AQR: variants seen among roughly 807,000 people sequenced by gnomAD.
AQR encodes RNA helicase aquarius.
AQR carries 61 observed loss-of-function variants against 180.5 expected under a neutral mutation model. That is an observed-to-expected ratio of 0.34 (90% CI 0.28 to 0.42). The LOEUF is 0.42. Ranked by LOEUF, AQR falls within the 10% of genes least tolerant of loss-of-function variation. The probability of loss-of-function intolerance (pLI) is 1.00; values close to 1 mark genes in which losing one functional copy is unlikely to be tolerated. For missense variants in AQR, 1,281 were observed against 1,798.3 expected (o/e 0.71, Z 5.20); for synonymous variants, 551 against 588.8 (o/e 0.94, Z 0.93).
intron 31 of AQR, 118 bp from the exon 32 acceptor site, chr15:34,867,727 A>T (rs1172490616): frequency 1.4e-6 from 1 of 714,472 alleles, no homozygotes; most frequent in East Asian, 2.8e-5. Context: ...AAAGAAACAT[A>T]ATCATAGGCT....
intron 15 of AQR, among the ~76,000 whole-genome samples, chr15:34,916,632 C>T (rs1893593391): frequency 1.3e-5 from 2 of 151,786 alleles, no homozygotes; most frequent in South Asian, 4.2e-4. Flanking sequence ...TGTTAAATAT[C>T]TATAGCTACT....
chr15:34,957,396 C>T (rs1446370889), intron 3 of AQR, among the ~76,000 whole-genome samples: 1 of 151,912 alleles, frequency 6.6e-6, no homozygotes, highest in Non-Finnish European at 1.5e-5. Flanking sequence ...TTATGTGTTA[C>T]AGAAGTGTAC....
At chr15:34,921,556 T>G (rs1009274258) in intron 13 of AQR, among the ~76,000 whole-genome samples, 1 of 152,200 alleles carries the variant, frequency 6.6e-6, no homozygotes, top group East Asian at 1.9e-4. Flanking sequence ...CAACTATCAG[T>G]ATTTGCTGTC....
chr15:34,949,427 G>C (rs1344657161), intron 4 of AQR, among the ~76,000 whole-genome samples: 5 of 151,276 alleles, frequency 3.3e-5, no homozygotes, highest in Non-Finnish European at 7.4e-5. Flanking sequence ...TGGCCAACAT[G>C]GTGAAACCCC....
intron 30 of AQR, among the ~76,000 whole-genome samples, chr15:34,871,274 A>G (rs1437396378): frequency 6.6e-6 from 1 of 152,170 alleles, no homozygotes; most frequent in Admixed American, 6.5e-5. Context: ...GGGGAGGCCA[A>G]GGCAGACAGA....
chr15:34,927,608 C>A (rs1197333851), intron 12 of AQR, among the ~76,000 whole-genome samples: 1 of 152,208 alleles, frequency 6.6e-6, no homozygotes, highest in Non-Finnish European at 1.5e-5. Flanking sequence ...GCACTCTCAA[C>A]CAACATAGGG....
chr15:34,912,063 T>A (rs1320111638), intron 16 of AQR, among the ~76,000 whole-genome samples: 1 of 152,198 alleles, frequency 6.6e-6, no homozygotes, highest in Non-Finnish European at 1.5e-5. Context: ...TCTTGGCACA[T>A]GCATCGAAGA....
intron 34 of AQR, 78 bp from the exon 35 acceptor site, chr15:34,857,184 T>C (rs1892598878): frequency 7.3e-7 from 1 of 1,361,730 alleles, no homozygotes; most frequent in Non-Finnish European, 9.8e-7. Flanking sequence ...ATTACCATTC[T>C]AGAGTTCTCC....
At position 34,920,404 on chromosome 15, in the gene AQR, G is replaced by A. The variant is rs1893665718; in HGVS notation, c.1149C>T (p.Tyr383=). The change falls in exon 14 of 35, where the codon TAC becomes TAT. Residue 383 remains tyrosine, a synonymous_variant. Coordinates refer to ENST00000156471, the MANE Select transcript of AQR (RefSeq NM_014691.3). ...TAGGAAGAGTTGGCAACAAGCAGAG[G>A]TATGATGCCACCTGGTGGAGTGTGT... is the stretch of plus-strand genomic sequence containing the variant. ...SSNTLHQVAS[Y]LCLLPTLPKN... is the part of the protein sequence containing the mutation. 6.2e-7 allele frequency: 1 copy of A among 1,613,594 alleles called. No homozygotes were observed. Among genetic ancestry groups the A allele is most frequent in the Non-Finnish European group, 8.5e-7 (1 of 1,179,760 alleles).
intron 16 of AQR, among the ~76,000 whole-genome samples, chr15:34,911,066 A>C (rs911271520): frequency 6.6e-6 from 1 of 152,196 alleles, no homozygotes; most frequent in Non-Finnish European, 1.5e-5. Context: ...TACATTTAGC[A>C]TAATGTACTC....
intron 30 of AQR, among the ~76,000 whole-genome samples, chr15:34,871,694 G>GT (rs1007978060): frequency 6.6e-6 from 1 of 151,912 alleles, no homozygotes; most frequent in Non-Finnish European, 1.5e-5. Context: ...GTTTCTTAAT[G>GT]TTTTTTGTAT....
At chr15:34,914,828 T>G (rs779029700) in intron 16 of AQR, among the ~76,000 whole-genome samples, 6 of 152,148 alleles carry the variant, frequency 3.9e-5, no homozygotes, top group Non-Finnish European at 8.8e-5. Flanking sequence ...CCACTCCCAT[T>G]CCCAAGTACC....
chr15:34,918,481 T>C, intron 14 of AQR, 103 bp from the exon 15 acceptor site: 1 of 1,356,004 alleles, frequency 7.4e-7, no homozygotes, highest in Non-Finnish European at 1.0e-6. Flanking sequence ...TTGTAGCAGT[T>C]CAACAAGCGA....
intron 27 of AQR, among the ~76,000 whole-genome samples, chr15:34,877,253 T>C (rs186174371): frequency 2.6e-5 from 4 of 152,336 alleles, no homozygotes; most frequent in East Asian, 1.9e-4. Context: ...CTACTTAGTA[T>C]GACATCTTGT....
Position 34,870,908 on chromosome 15 carries a change from T to C in AQR, c.3612A>G (p.Ala1204=). The change falls in exon 31 of 35, where the codon GCA becomes GCG. Residue 1204 remains alanine (A), a synonymous_variant. Coordinates refer to ENST00000156471, the MANE Select transcript of AQR (RefSeq NM_014691.3). Reference sequence around the variant, plus strand: ...ACATAAAAAGTGCTACTACATATTCTGCCTCTCCAAGATTCTGTAATGCAA... The same window carrying C: ...ACATAAAAAGTGCTACTACATATTCCGCCTCTCCAAGATTCTGTAATGCAA... ...NPYFYQNLGE[A]EYVVALFMYM... is the part of the protein sequence containing the mutation. 1 of 1,612,350 alleles carries C rather than the reference T, an allele frequency of 6.2e-7. No individual in the cohort carries two copies. Among genetic ancestry groups the C allele is most frequent in the Admixed American group, 1.7e-5 (1 of 59,788 alleles).
intron 13 of AQR, among the ~76,000 whole-genome samples, chr15:34,922,630 T>C (rs558182950): frequency 3.4e-4 from 52 of 151,472 alleles, no homozygotes; most frequent in South Asian, 1.7e-3. Flanking sequence ...TATAGCTCAC[T>C]GCGGCCTCGA....
rs568801615 is a variant in AQR, at chr15:34,876,216, T to C, written c.3166-210A>G. On this transcript the variant is annotated intron_variant, in intron 27 of 34. Coordinates refer to ENST00000156471, the MANE Select transcript of AQR (RefSeq NM_014691.3). Reference sequence around the variant, plus strand: ...GCCTCTGCATTTCCAATTCAAGTATTTGACTTCAGGAAAGCCGCCTAAATA... The same window carrying C: ...GCCTCTGCATTTCCAATTCAAGTATCTGACTTCAGGAAAGCCGCCTAAATA... Among the ~76,000 whole-genome samples the C allele has an allele frequency of 7.2e-5, 11 of 152,326 alleles. No homozygotes were observed. The East Asian group carries it at 1.7e-3, about 24-fold the overall frequency.
At chr15:34,946,885 TG>T (rs1210020386) in intron 5 of AQR, among the ~76,000 whole-genome samples, 20 of 114,036 alleles carry the variant, frequency 1.8e-4, no homozygotes, top group East Asian at 2.7e-4. Context: ...GGGAGGGAGG[TG>T]GGGGGGGTCA....
Position 34,852,193 on chromosome 15 carries a change from A to ATT in AQR, c.*4598_*4599insAA, listed in dbSNP as rs1892523561. The ATT allele has an allele frequency of 1.0e-4, 15 of 148,418 alleles. No individual in the cohort carries two copies. The highest frequency in any genetic ancestry group is 9.3e-4 in the Admixed American group (14 of 15,052). The allele number at this position is 148,418 out of a possible 1,614,324, so 9.2% of individuals were successfully genotyped here. A position where few individuals can be genotyped will look rare whatever the true frequency, so the allele number is the denominator to read the frequency against. ...AGTTATGTTTTTTTTTTTTTTTTGA[A>ATT]GGAGTTTTTGCTCGTCGCCCAGGCT... is the stretch of plus-strand genomic sequence containing the variant. On this transcript the variant is annotated 3_prime_UTR_variant, in exon 35 of 35. Coordinates refer to ENST00000156471, the MANE Select transcript of AQR (RefSeq NM_014691.3).
Sources: allele counts gnomAD v4.1 joint callset (sites outside exome capture counted in the v4.1 genomes callset), GRCh38; gene constraint gnomAD v4.1.1; transcripts MANE v1.5; gene names NCBI Gene and HGNC (gene_info 2026-07-23, HGNC 2026-07-21).